The following TNXB variants were observed in gnomAD, a reference collection of about 807,000 sequenced individuals.
The protein encoded by TNXB is tenascin-X.
Under a neutral mutation model 340.5 loss-of-function variants are expected in TNXB, and 183 were observed. The observed-to-expected ratio is 0.54, with a 90% CI of 0.48 to 0.61. TNXB has a LOEUF of 0.61. TNXB is among the 20% of genes least tolerant of loss of function. The pLI is 0.00. For missense variants in TNXB, 4,613 were observed against 5,446.4 expected (o/e 0.85, Z 4.82); for synonymous variants, 2,121 against 2,314.5 (o/e 0.92, Z 2.40).
chr6:32,055,945 C>G lies in TNXB; in HGVS notation c.8373G>C (p.Val2791=). ...RVRGEESEVT[V]GGLEPGRKYK... ...ATTTGCGCCCGGGCTCCAGGCCCCC[C>G]ACGGTGACCTCGCTCTCCTCGCCCC... Residue 2791 remains valine, a synonymous_variant, in exon 24 of 44, where the codon GTG becomes GTC. Transcript: ENST00000644971. 1.4e-5 allele frequency: 22 copies of G among 1,613,502 alleles called. No homozygotes were observed. The highest frequency in any genetic ancestry group is 2.2e-5 in the East Asian group (1 of 44,872).
chr6:32,106,445 G>T (rs1038034721), intron 1 of TNXB, among the ~76,000 whole-genome samples: 1 of 152,078 alleles, frequency 6.6e-6, no homozygotes, highest in Non-Finnish European at 1.5e-5. Flanking sequence ...AATGCTGACC[G>T]GTGAGGAGTG....
rs750503667 is a variant in TNXB, at chr6:32,042,504, C to T, written c.12161G>A (p.Arg4054Gln). 2.4e-5 allele frequency: 39 copies of T among 1,612,586 alleles called. No homozygotes were observed. Among genetic ancestry groups the T allele is most frequent in the South Asian group, 5.5e-5 (5 of 91,054 alleles). The change falls in exon 40 of 44, where the codon CGG becomes CAG. Residue 4054 changes from arginine to glutamine, a missense_variant. By Grantham distance (43) the Arg-to-Gln change is conservative (BLOSUM62 1). This residue lies in a region of TNXB where 121 missense variants were observed against 177.4 expected (regional missense o/e 0.68). Transcript: ENST00000644971. ...CATGTCGCAAAACACGTTCAGGGGC[C>T]GCTCGCGGTTGCCGTTGAGGAAGAT... ...STIFLNGNRE[R>Q]PLNVFCDMET...
intron 36 of TNXB, 53 bp downstream of exon 36, chr6:32,043,384 C>G: frequency 8.8e-6 from 4 of 452,410 alleles, no homozygotes; most frequent in South Asian, 4.3e-5. Context: ...CAGCCTCCCC[C>G]CTGCAATCCC....
At position 32,044,190 on chromosome 6, in the gene TNXB, C is replaced by G; in HGVS notation, c.11264-61G>C. 6 of 1,357,962 alleles carry G rather than the reference C, an allele frequency of 4.4e-6. 1 individual carries two copies. Among genetic ancestry groups the G allele is most frequent in the Middle Eastern group, 2.5e-4 (1 of 3,932 alleles). The allele number at this position is 1,357,962 out of a possible 1,614,324, so 84.1% of individuals were successfully genotyped here. On this transcript the variant is annotated intron_variant, in intron 33 of 43. Transcript: ENST00000644971. ...GGCAGGGAGGCTTCTCCCTACGAGT[C>G]CCCCCCTCGCCTCTGCTCCAGCACA...
At position 32,108,678 on chromosome 6, in the gene TNXB, A is replaced by C. The variant is rs900949941; in HGVS notation, c.-9+503T>G. Among the ~76,000 whole-genome samples, 4 of 152,084 alleles carry C rather than the reference A, an allele frequency of 2.6e-5. No individual in the cohort carries two copies. The highest frequency in any genetic ancestry group is 9.7e-5 in the African/African-American group (4 of 41,396). On this transcript the variant is annotated intron_variant, in intron 1 of 43. Coordinates refer to ENST00000644971, the MANE Select transcript of TNXB (RefSeq NM_001365276.2). This position sits in a 1 kb window ranked among gnomAD's most constrained non-coding sequence, Gnocchi z 4.8. The stretch of plus-strand genomic sequence containing the variant: ...GGAGTCCCCATTTGGATGCCCAAAG[A>C]AGCACCCTCTGGCACCTCCTGGAGC...
Position 32,052,764 on chromosome 6 carries a change from C to T in TNXB, c.9021G>A (p.Val3007=), listed in dbSNP as rs766088865. 5.0e-6 allele frequency: 8 copies of T among 1,613,756 alleles called. No individual in the cohort carries two copies. Among genetic ancestry groups the T allele is most frequent in the East Asian group, 2.2e-5 (1 of 44,876 alleles). ...RVRGEESEVT[V]GGLEPGCKYK... ...ATTTGCACCCGGGCTCCAGGCCCCC[C>T]ACGGTGACCTCGCTCTCCTCGCCCC... Residue 3007 remains valine (V), a synonymous_variant, in exon 26 of 44, where the codon GTG becomes GTA. Coordinates refer to ENST00000644971, the MANE Select transcript of TNXB (RefSeq NM_001365276.2). This position sits in a 1 kb window ranked among gnomAD's most constrained non-coding sequence, Gnocchi z 4.7.
chr6:32,067,651 G>A lies in TNXB; in HGVS notation c.6544+10C>T, dbSNP rs1457948099. 18 of 1,611,858 alleles carry A rather than the reference G, an allele frequency of 1.1e-5. No homozygotes were observed. The highest frequency in any genetic ancestry group is 1.4e-5 in the Non-Finnish European group (17 of 1,178,746). ...GACCCAACCCAGAGGGCTCTGCAGT[G>A]CACACTCACCCGTGACGCCCACAGC... On this transcript the variant is annotated intron_variant, in intron 18 of 43. Coordinates refer to ENST00000644971, the MANE Select transcript of TNXB (RefSeq NM_001365276.2). This position sits in a 1 kb window ranked among gnomAD's most constrained non-coding sequence, Gnocchi z 4.2.
chr6:32,057,712 C>G (rs887339732), intron 22 of TNXB, among the ~76,000 whole-genome samples: 5 of 152,182 alleles, frequency 3.3e-5, no homozygotes, highest in African/African-American at 1.2e-4. Context: ...GCCTTTGCAC[C>G]AGCTGTGATT....
At chr6:32,043,634 C>A (rs1183106333) in intron 35 of TNXB, 78 bp from the exon 36 acceptor site, 3 of 1,461,960 alleles carry the variant, frequency 2.1e-6, no homozygotes. Flanking sequence ...ACTGGCCTCC[C>A]GTCCGCAATC....
At chr6:32,106,578 G>A (rs1780991479) in intron 1 of TNXB, among the ~76,000 whole-genome samples, 1 of 152,122 alleles carries the variant, frequency 6.6e-6, no homozygotes, top group Non-Finnish European at 1.5e-5. Flanking sequence ...AGGAGTAATT[G>A]GGGCTACCAG....
Position 32,081,629 on chromosome 6 carries a change from G to A in TNXB, c.3781C>T (p.Gln1261Ter). The A allele has an allele frequency of 6.3e-7, 1 of 1,598,604 alleles. No homozygotes were observed. Among genetic ancestry groups the A allele is most frequent in the South Asian group, 1.1e-5 (1 of 88,106 alleles). The change falls in exon 10 of 44, where the codon CAG (glutamine) becomes TAG (stop). Residue 1261 changes from glutamine to a stop codon, truncating the protein, a stop_gained. Coordinates refer to ENST00000644971, the MANE Select transcript of TNXB (RefSeq NM_001365276.2). LOFTEE classifies it high-confidence loss of function. This position sits in a 1 kb window ranked among gnomAD's most constrained non-coding sequence, Gnocchi z 5.1. ...ACTGTCAGTTCCCCCAGGAGGGGCT[G>A]CTCCAGGAACTCAGGGCGGGGGGGC... is the stretch of plus-strand genomic sequence containing the variant. ...EEPPRPEFLE[Q>*]PLLGELTVTG...
chr6:32,059,937 G>C (rs894839834), intron 21 of TNXB, among the ~76,000 whole-genome samples: 1 of 151,988 alleles, frequency 6.6e-6, no homozygotes, highest in Non-Finnish European at 1.5e-5. Context: ...GGATGACTTA[G>C]AAAAGGCAGC....
At position 32,096,435 on chromosome 6, in the gene TNXB, C is replaced by G. The variant is rs1384007956; in HGVS notation, c.1418G>C (p.Arg473Pro). Residue 473 changes from arginine to proline, a missense_variant, in exon 3 of 44, where the codon CGG becomes CCG. By Grantham distance (103) the Arg-to-Pro change is moderately radical. Transcript: ENST00000644971. Reference protein sequence around the residue: ...VRSCPGDCRGRGRCESGRCMC... With the variant: ...VRSCPGDCRGPGRCESGRCMC... ...GCAGCGGCCACTCTCACAGCGGCCC[C>G]GGCCACGACAGTCCCCAGGACAGCT... The G allele has an allele frequency of 1.1e-5, 17 of 1,595,798 alleles. No homozygotes were observed. Among genetic ancestry groups the G allele is most frequent in the Middle Eastern group, 3.3e-4 (2 of 6,076 alleles).
chr6:32,065,461 T>C (rs1778287299), intron 18 of TNXB, among the ~76,000 whole-genome samples: 1 of 152,130 alleles, frequency 6.6e-6, no homozygotes, highest in African/African-American at 2.4e-5. Context: ...GTTTTCTCAA[T>C]TGCAATGTAT....
rs769236692 is a variant in TNXB, at chr6:32,096,604, C to G, written c.1249G>C (p.Gly417Arg). ...TACCCCGGCCAGCACACGCAGCGGC[C>G]GTCCTCGCAGCGGCCCCTTTGGTTG... ...DCNQRGRCED[G>R]RCVCWPGYTG... The change falls in exon 3 of 44, where the codon GGC (glycine) becomes CGC (arginine). Residue 417 changes from glycine to arginine, a missense_variant. Around this residue, in one of 7 missense-constraint regions of TNXB, gnomAD observed 4,327 missense variants for 4,859.4 expected, o/e 0.89. Transcript: ENST00000644971. 1 of 1,575,104 alleles carries G rather than the reference C, an allele frequency of 6.3e-7. No individual in the cohort carries two copies. Among genetic ancestry groups the G allele is most frequent in the Non-Finnish European group, 8.6e-7 (1 of 1,164,716 alleles).
Position 32,068,027 on chromosome 6 carries a change from C to T in TNXB, c.6221-43G>A, listed in dbSNP as rs1400641665. On this transcript the variant is annotated intron_variant, in intron 17 of 43. Coordinates refer to ENST00000644971, the MANE Select transcript of TNXB (RefSeq NM_001365276.2). This position sits in a 1 kb window ranked among gnomAD's most constrained non-coding sequence, Gnocchi z 5.3. ...AGAGTGAGGGGGATGTCCTTGGGTACTGGGGAAAAGGAGGGAGAAGCCAAG... is the reference window on the plus strand; with the variant it reads ...AGAGTGAGGGGGATGTCCTTGGGTATTGGGGAAAAGGAGGGAGAAGCCAAG... 1 of 1,590,808 alleles carries T rather than the reference C, an allele frequency of 6.3e-7. No individual in the cohort carries two copies. The highest frequency in any genetic ancestry group is 1.3e-5 in the African/African-American group (1 of 74,306).
intron 29 of TNXB, 87 bp downstream of exon 29, chr6:32,048,276 G>C (rs1777026246): frequency 7.3e-7 from 1 of 1,369,552 alleles, no homozygotes; most frequent in African/African-American, 1.5e-5. Flanking sequence ...CTGAGGACTG[G>C]AGTGTGGGGC....
Position 32,087,374 on chromosome 6 carries a change from C to T in TNXB, c.2780-1256G>A. 3 of 473,430 alleles carry T rather than the reference C, an allele frequency of 6.3e-6. No homozygotes were observed. Among genetic ancestry groups the T allele is most frequent in the Non-Finnish European group, 1.3e-5 (3 of 237,362 alleles). 29.3% of individuals were successfully genotyped at this position (473,430 alleles called of 1,614,324 possible). A position where few individuals can be genotyped will look rare whatever the true frequency, so the allele number is the denominator to read the frequency against. Reference sequence around the variant, plus strand: ...CTGACGGTGCGCGTGGTGCCCGGCACAGTCAGCTCACCGCCGGGGCCCTCT... The same window carrying T: ...CTGACGGTGCGCGTGGTGCCCGGCATAGTCAGCTCACCGCCGGGGCCCTCT... On this transcript the variant is annotated intron_variant, in intron 6 of 43. Coordinates refer to ENST00000644971, the MANE Select transcript of TNXB (RefSeq NM_001365276.2). This position sits in a 1 kb window ranked among gnomAD's most constrained non-coding sequence, Gnocchi z 9.0.
At position 32,096,198 on chromosome 6, in the gene TNXB, TC is replaced by T; in HGVS notation, c.1654del (p.Glu552LysfsTer19). The T allele has an allele frequency of 6.4e-7, 1 of 1,567,850 alleles. No homozygotes were observed. On this transcript the variant is annotated frameshift_variant, in exon 3 of 44. Transcript: ENST00000644971. LOFTEE classifies it high-confidence loss of function. ...GGGGCAGCTGCGCGTGCTGCAGTCT[TC>T]CCCTGAGTAGCCTGCGTCACACACG... Reference protein sequence around the residue: ...VCVCDAGYSGEDCSTRSCPGG... With the variant: ...VCVCDAGYSGXDCSTRSCPGG...
Sources: allele counts gnomAD v4.1 joint callset (sites outside exome capture counted in the v4.1 genomes callset), GRCh38; gene constraint gnomAD v4.1.1; regional missense constraint gnomAD v4.1.1; non-coding constraint Gnocchi (gnomAD v3.1); transcripts MANE v1.5; gene names NCBI Gene and HGNC (gene_info 2026-07-23, HGNC 2026-07-21).